Variants in MSRA observed in about 807,000 individuals in gnomAD.
MSRA encodes methionine sulfoxide reductase A.
Under a neutral mutation model 31.3 loss-of-function variants are expected in MSRA, and 54 were observed. The ratio of observed to expected loss-of-function variants is 1.73; its 90% CI spans 1.39 to 2.17. MSRA has a LOEUF of 2.17. Ranked by LOEUF, MSRA falls within the 30% of genes most tolerant of loss-of-function variation. The pLI is 0.00. For missense variants in MSRA, 507 were observed against 300.9 expected (o/e 1.69, Z -5.07); for synonymous variants, 169 against 116.5 (o/e 1.45, Z -2.90).
At chr8:10,112,173 A>G (rs1272412396) in intron 1 of MSRA, among the ~76,000 whole-genome samples, 2 of 152,148 alleles carry the variant, frequency 1.3e-5, no homozygotes, top group African/African-American at 2.4e-5. Context: ...TAAAAGAGCA[A>G]CTCACCACAA....
At chr8:10,423,926 CATTCATTA>C (rs929833461) in intron 5 of MSRA, among the ~76,000 whole-genome samples, 6 of 152,190 alleles carry the variant, frequency 3.9e-5, no homozygotes, top group Admixed American at 6.5e-5. Flanking sequence ...TTCATTCATT[CATTCATTA>C]ATTGCACACA....
At chr8:10,260,886 A>G (rs1798444199) in intron 3 of MSRA, among the ~76,000 whole-genome samples, 1 of 152,216 alleles carries the variant, frequency 6.6e-6, no homozygotes. Flanking sequence ...GGAAAATAAC[A>G]TTTGGATATT....
intron 3 of MSRA, among the ~76,000 whole-genome samples, chr8:10,272,920 T>C (rs1034045903): frequency 1.3e-5 from 2 of 152,268 alleles, no homozygotes; most frequent in African/African-American, 2.4e-5. Flanking sequence ...TAGGAGAAAC[T>C]GCACAAGTTA....
intron 5 of MSRA, among the ~76,000 whole-genome samples, chr8:10,405,130 C>A (rs189166622): frequency 1.3e-5 from 2 of 152,206 alleles, no homozygotes; most frequent in African/African-American, 4.8e-5. Context: ...GAAGCCTGTT[C>A]TCTTCACAAA....
In MSRA at chr8:10,281,111, A is replaced by G. The variant is rs140750908; in HGVS notation, c.332-20423A>G. Among the ~76,000 whole-genome samples the G allele has an allele frequency of 5.5e-3, 839 of 152,346 alleles. 12 individuals are homozygous for G. Among genetic ancestry groups the G allele is most frequent in the African/African-American group, 0.019 (795 of 41,578 alleles). On this transcript the variant is annotated intron_variant, in intron 3 of 5. Coordinates refer to ENST00000317173, the MANE Select transcript of MSRA (RefSeq NM_012331.5). ...ATGATTACCCAACTGTGAATATACT[A>G]AAAACCACTGAGTTATATTTAAATA...
chr8:10,269,927 A>G (rs937541631), intron 3 of MSRA, among the ~76,000 whole-genome samples: 3 of 152,146 alleles, frequency 2.0e-5, no homozygotes, highest in Non-Finnish European at 4.4e-5. Flanking sequence ...CTGGGATTAC[A>G]GGCGTGAGCC....
chr8:10,186,423 A>G (rs1031833194), intron 1 of MSRA, among the ~76,000 whole-genome samples: 6 of 152,166 alleles, frequency 3.9e-5, no homozygotes, highest in Admixed American at 1.3e-4. Flanking sequence ...AATGACACTC[A>G]AATTTGAATC....
intron 2 of MSRA, among the ~76,000 whole-genome samples, chr8:10,209,739 C>T (rs1809309958): frequency 6.6e-6 from 1 of 152,204 alleles, no homozygotes; most frequent in African/African-American, 2.4e-5. Context: ...TGGCCTTTAC[C>T]TCTTACGCCT....
At chr8:10,223,827 G>T (rs1038399321) in intron 2 of MSRA, among the ~76,000 whole-genome samples, 1 of 152,106 alleles carries the variant, frequency 6.6e-6, no homozygotes, top group Non-Finnish European at 1.5e-5. Flanking sequence ...AGAAAGATGG[G>T]TATAAAACGT....
chr8:10,180,964 A>G (rs11786117), intron 1 of MSRA, among the ~76,000 whole-genome samples: 57,150 of 152,012 alleles, frequency 0.38, 11,178 homozygotes, highest in East Asian at 0.52. Context: ...TATGACTTCA[A>G]TCTTGATAAC....
chr8:10,261,125 G>A (rs928768243), intron 3 of MSRA, among the ~76,000 whole-genome samples: 4 of 151,874 alleles, frequency 2.6e-5, no homozygotes, highest in Non-Finnish European at 5.9e-5. Context: ...CTGTAATAGT[G>A]TACCCAAAAA....
At chr8:10,059,817 C>T (rs1359982430) in intron 1 of MSRA, among the ~76,000 whole-genome samples, 2 of 152,146 alleles carry the variant, frequency 1.3e-5, no homozygotes, top group Admixed American at 1.3e-4. Flanking sequence ...GCAAGGTAGA[C>T]GTTAGGTTAT....
Position 10,301,636 on chromosome 8 carries a change from A to G in MSRA, c.434A>G (p.Gln145Arg). Residue 145 changes from glutamine (Q) to arginine (R), a missense_variant and splice_region_variant, in exon 4 of 6, where the codon CAA becomes CGA. Gln to Arg is a conservative substitution (Grantham distance 43). Transcript: ENST00000317173. ...KVFWENHDPT[Q>R]GMRQGNDHGT... ...TTCTGGGAGAATCACGACCCGACCCAAGGTAGAGTGATGAGTGAGCCAGTA... is the reference window on the plus strand; with the variant it reads ...TTCTGGGAGAATCACGACCCGACCCGAGGTAGAGTGATGAGTGAGCCAGTA... 6.2e-7 allele frequency: 1 copy of G among 1,612,222 alleles called. No individual in the cohort carries two copies.
At chr8:10,214,132 GC>G (rs1809768790) in intron 2 of MSRA, among the ~76,000 whole-genome samples, 1 of 152,146 alleles carries the variant, frequency 6.6e-6, no homozygotes, top group African/African-American at 2.4e-5. Flanking sequence ...CAAAAGCCAA[GC>G]CGAGGACTTA....
At chr8:10,246,396 A>T (rs780582755) in intron 3 of MSRA, among the ~76,000 whole-genome samples, 31 of 152,234 alleles carry the variant, frequency 2.0e-4, no homozygotes, top group Non-Finnish European at 2.9e-5. Context: ...CAGCTCAGAT[A>T]GCATTTGAAA....
chr8:10,080,318 T>C (rs1432261664), intron 1 of MSRA, among the ~76,000 whole-genome samples: 1 of 140,452 alleles, frequency 7.1e-6, no homozygotes, highest in Non-Finnish European at 1.6e-5. Context: ...TTTTTAAATC[T>C]TTTTTTTTTT....
intron 1 of MSRA, among the ~76,000 whole-genome samples, chr8:10,075,672 G>C (rs548156883): frequency 1.3e-5 from 2 of 152,328 alleles, no homozygotes; most frequent in East Asian, 1.9e-4. Flanking sequence ...TTATGTTCTA[G>C]CATCAAGAGA....
intron 5 of MSRA, among the ~76,000 whole-genome samples, chr8:10,404,072 A>G (rs1457484150): frequency 5.3e-5 from 8 of 152,168 alleles, no homozygotes; most frequent in Non-Finnish European, 1.0e-4. Context: ...AAAGGCTTTT[A>G]TTTTATGTTG....
At chr8:10,262,149 C>G (rs981392385) in intron 3 of MSRA, among the ~76,000 whole-genome samples, 1 of 152,230 alleles carries the variant, frequency 6.6e-6, no homozygotes, top group African/African-American at 2.4e-5. Flanking sequence ...GCAGTTGCTT[C>G]CAGTTTTTGG....
Sources: gnomAD v4.1 joint callset for allele counts (sites outside exome capture counted in the v4.1 genomes callset) on GRCh38, gnomAD v4.1.1 for gene constraint, MANE v1.5 for transcripts, NCBI Gene and HGNC (gene_info 2026-07-23, HGNC 2026-07-21) for gene names.